Variants in DEPTOR observed in about 807,000 individuals in gnomAD.
DEPTOR encodes DEP domain-containing mTOR-interacting protein.
In DEPTOR, 41 loss-of-function variants were observed where a neutral mutation model predicts 41.6. That is an observed-to-expected ratio of 0.98 (90% CI 0.77 to 1.28). DEPTOR has a LOEUF of 1.28. Among genes scored for constraint, DEPTOR ranks in the 50% most tolerant of loss-of-function variants. The pLI is 0.00. For missense variants in DEPTOR, 514 were observed against 527.9 expected (o/e 0.97, Z 0.26); for synonymous variants, 195 against 192.3 (o/e 1.01, Z -0.12).
chr8:119,883,030 T>C (rs1363450397), intron 1 of DEPTOR, among the ~76,000 whole-genome samples: 1 of 152,116 alleles, frequency 6.6e-6, no homozygotes, highest in Non-Finnish European at 1.5e-5. Flanking sequence ...GTGGGACAGA[T>C]AGGATGCTTG....
intron 8 of DEPTOR, among the ~76,000 whole-genome samples, chr8:120,044,630 A>G (rs982567630): frequency 2.0e-5 from 3 of 152,242 alleles, no homozygotes; most frequent in African/African-American, 7.2e-5. Context: ...TACTGCCCAC[A>G]GCAGAGGAAA....
At chr8:119,878,360 A>G (rs1031183655) in intron 1 of DEPTOR, among the ~76,000 whole-genome samples, 12 of 145,366 alleles carry the variant, frequency 8.3e-5, no homozygotes, top group Admixed American at 7.8e-4. Flanking sequence ...TCACTTTGTC[A>G]TCAGGCTGGA....
intron 8 of DEPTOR, among the ~76,000 whole-genome samples, chr8:120,042,500 C>G (rs1186978280): frequency 1.3e-5 from 2 of 152,100 alleles, no homozygotes; most frequent in African/African-American, 4.8e-5. Context: ...TCTTTTCTAA[C>G]AGCCTAAATC....
intron 3 of DEPTOR, among the ~76,000 whole-genome samples, chr8:119,954,332 G>C (rs1828391146): frequency 6.6e-6 from 1 of 151,958 alleles, no homozygotes. Flanking sequence ...TTTTTGTTGA[G>C]ATGGGGTTTT....
At chr8:119,952,177 A>T (rs116174336) in intron 3 of DEPTOR, among the ~76,000 whole-genome samples, 1,995 of 152,264 alleles carry the variant, frequency 0.013, 43 homozygotes, top group African/African-American at 0.045. Flanking sequence ...AAAAGAAAAA[A>T]AAAGAGAGGA....
chr8:119,888,606 A>AGCACTTTGGGAGGCCG (rs1827405290), intron 1 of DEPTOR, among the ~76,000 whole-genome samples: 1 of 152,158 alleles, frequency 6.6e-6, no homozygotes, highest in East Asian at 1.9e-4. Context: ...CTGTAATCCC[A>AGCACTTTGGGAGGCCG]GCACTTTGGG....
chr8:119,921,668 G>A (rs1278053009), intron 1 of DEPTOR, among the ~76,000 whole-genome samples: 1 of 152,076 alleles, frequency 6.6e-6, no homozygotes, highest in African/African-American at 2.4e-5. Context: ...CAGGGAATTG[G>A]TGGAAATCAG....
At chr8:119,916,538 TAA>T (rs1827817913) in intron 1 of DEPTOR, among the ~76,000 whole-genome samples, 1 of 152,192 alleles carries the variant, frequency 6.6e-6, no homozygotes, top group Admixed American at 6.5e-5. Context: ...TTTAAAGAAT[TAA>T]AGTTAGTTTT....
At chr8:119,959,531 CTTT>C (rs1055976492) in intron 3 of DEPTOR, among the ~76,000 whole-genome samples, 1 of 137,844 alleles carries the variant, frequency 7.3e-6, no homozygotes, top group Admixed American at 7.3e-5. Flanking sequence ...TCTAAATAAT[CTTT>C]TTTTTTTTTT....
chr8:119,998,169 A>G lies in DEPTOR; in HGVS notation c.605-3356A>G, dbSNP rs141192764. 2.8e-3 allele frequency among the ~76,000 whole-genome samples: 431 copies of G among 152,178 alleles called. 6 individuals carry two copies. The highest frequency in any genetic ancestry group is 1.0e-2 in the African/African-American group (415 of 41,506). ...AATGGAGTGATCTTGGCTCACTGCA[A>G]CCTCCACCTCCCAGGCTCAAGCGAT... On this transcript the variant is annotated intron_variant, in intron 4 of 8. Transcript: ENST00000286234.
chr8:119,945,913 T>C (rs950111064), intron 3 of DEPTOR, among the ~76,000 whole-genome samples: 1 of 152,132 alleles, frequency 6.6e-6, no homozygotes, highest in Non-Finnish European at 1.5e-5. Context: ...AAGTGGATAT[T>C]TGAAGAGTGA....
intron 1 of DEPTOR, among the ~76,000 whole-genome samples, chr8:119,886,652 A>C (rs2129694390): frequency 6.6e-6 from 1 of 152,274 alleles, no homozygotes; most frequent in Admixed American, 6.5e-5. Flanking sequence ...AAAGGGAAAA[A>C]CCCACTAGTA....
intron 5 of DEPTOR, among the ~76,000 whole-genome samples, 165 bp from the exon 6 acceptor site, chr8:120,002,812 A>ATATATATATG (rs71306853): frequency 1.5e-5 from 2 of 130,140 alleles, no homozygotes; most frequent in Middle Eastern, 3.6e-3. Flanking sequence ...ATATATATAT[A>ATATATATATG]ATATAAAGTA....
At chr8:119,994,371 G>T (rs1586649516) in intron 4 of DEPTOR, among the ~76,000 whole-genome samples, 1 of 152,112 alleles carries the variant, frequency 6.6e-6, no homozygotes, top group Non-Finnish European at 1.5e-5. Context: ...TTTAGCTGTT[G>T]TTAATTCTTG....
intron 4 of DEPTOR, among the ~76,000 whole-genome samples, chr8:119,984,241 C>T (rs966217265): frequency 3.3e-5 from 5 of 152,114 alleles, no homozygotes; most frequent in African/African-American, 1.2e-4. Context: ...TTCTATGGAC[C>T]AGGGACGCTA....
chr8:119,884,372 A>T (rs1827336885), intron 1 of DEPTOR, among the ~76,000 whole-genome samples: 1 of 152,128 alleles, frequency 6.6e-6, no homozygotes, highest in South Asian at 2.1e-4. Flanking sequence ...GCATTTTATT[A>T]TGTATGAAGT....
chr8:119,954,325 T>G (rs2129935369), intron 3 of DEPTOR, among the ~76,000 whole-genome samples: 1 of 152,016 alleles, frequency 6.6e-6, no homozygotes, highest in Middle Eastern at 3.4e-3. Flanking sequence ...TTGGTATTTT[T>G]TGTTGAGATG....
At chr8:119,944,700 G>A (rs1828249205) in intron 3 of DEPTOR, among the ~76,000 whole-genome samples, 1 of 150,112 alleles carries the variant, frequency 6.7e-6, no homozygotes, top group African/African-American at 2.5e-5. Context: ...GTTTCACCAG[G>A]CTGGAGTGCA....
intron 6 of DEPTOR, 83 bp from the exon 7 acceptor site, chr8:120,006,722 A>G: frequency 1.6e-6 from 2 of 1,247,412 alleles, no homozygotes; most frequent in Non-Finnish European, 2.3e-6. Context: ...ATGGTCACCT[A>G]CGAGATATCA....
Sources: gnomAD v4.1 joint callset for allele counts (sites outside exome capture counted in the v4.1 genomes callset) on GRCh38, gnomAD v4.1.1 for gene constraint, MANE v1.5 for transcripts, NCBI Gene and HGNC (gene_info 2026-07-23, HGNC 2026-07-21) for gene names.